The following GPX3 variants were observed in gnomAD, a reference collection of about 807,000 sequenced individuals.
GPX3 encodes GPx-3.
GPX3 carries 22 observed loss-of-function variants against 25.1 expected under a neutral mutation model. The ratio of observed to expected loss-of-function variants is 0.88; its 90% CI spans 0.63 to 1.25. The LOEUF (loss-of-function observed/expected upper bound fraction) is 1.25. Ranked by LOEUF, GPX3 falls within the 50% of genes most tolerant of loss-of-function variation. The pLI is 0.00. For missense variants in GPX3, 278 were observed against 286.6 expected (o/e 0.97, Z 0.22); for synonymous variants, 110 against 114.5 (o/e 0.96, Z 0.25).
At chr5:151,025,525 T>TG in intron 2 of GPX3, 32 bp downstream of exon 2, 1 of 1,552,478 alleles carries the variant, frequency 6.4e-7, no homozygotes, top group Non-Finnish European at 8.7e-7. Context: ...CTGCTTTATT[T>TG]GGGGCTGTAT....
Position 151,025,474 on chromosome 5 carries a change from C to A in GPX3, c.222C>A (p.Gly74=). 2 of 1,610,494 alleles carry A rather than the reference C, an allele frequency of 1.2e-6. No individual in the cohort carries two copies. The highest frequency in any genetic ancestry group is 1.1e-5 in the South Asian group (1 of 90,666). Residue 74 remains glycine, a synonymous_variant, in exon 2 of 5, where the codon GGC becomes GGA. Coordinates refer to ENST00000388825, the MANE Select transcript of GPX3 (RefSeq NM_002084.5). ...TTGTCAACGTGGCCAGCTACTGAGGCCTGACGGGCCAGTACATTGGTAAGA... is the reference window on the plus strand; with the variant it reads ...TTGTCAACGTGGCCAGCTACTGAGGACTGACGGGCCAGTACATTGGTAAGA... ...VLFVNVASYU[G]LTGQYIELNA...
chr5:151,020,957 C>T, intron 1 of GPX3: 1 of 628,452 alleles, frequency 1.6e-6, no homozygotes, highest in Non-Finnish European at 2.9e-6. Flanking sequence ...GAGCCGAGAC[C>T]TGGTGCTTCA....
chr5:151,022,485 G>C (rs1026372625), intron 1 of GPX3, among the ~76,000 whole-genome samples: 4 of 152,160 alleles, frequency 2.6e-5, no homozygotes, highest in Non-Finnish European at 5.9e-5. Context: ...CAAGTTCTTA[G>C]AGTTCAGATG....
chr5:151,025,491 T>C lies in GPX3; in HGVS notation c.239T>C (p.Ile80Thr), dbSNP rs368521899. Reference sequence around the variant, plus strand: ...TACTGAGGCCTGACGGGCCAGTACATTGGTAAGAGCCCACCCTTCCTCCCT... The same window carrying C: ...TACTGAGGCCTGACGGGCCAGTACACTGGTAAGAGCCCACCCTTCCTCCCT... ...ASYUGLTGQY[I>T]ELNALQEELA... Residue 80 changes from isoleucine to threonine, a missense_variant and splice_region_variant, in exon 2 of 5, where the codon ATT becomes ACT. By Grantham distance (89) the Ile-to-Thr change is moderately conservative. Coordinates refer to ENST00000388825, the MANE Select transcript of GPX3 (RefSeq NM_002084.5). 16 of 1,604,780 alleles carry C rather than the reference T, an allele frequency of 1.0e-5. No individual in the cohort carries two copies. In the African/African-American group the frequency reaches 1.2e-4, roughly 12 times the overall value.
At chr5:151,025,209 G>A in intron 1 of GPX3, 131 bp from the exon 2 acceptor site, 2 of 666,306 alleles carry the variant, frequency 3.0e-6, no homozygotes, top group South Asian at 2.4e-5. Context: ...GTCAGTGCTA[G>A]TCCAGTTCCA....
chr5:151,023,714 C>A (rs2113144263), intron 1 of GPX3, among the ~76,000 whole-genome samples: 1 of 152,232 alleles, frequency 6.6e-6, no homozygotes, highest in Middle Eastern at 3.4e-3. Flanking sequence ...AGTTTGTCTG[C>A]ATTTTAAGGC....
At chr5:151,027,806 G>C (rs990599374) in intron 4 of GPX3, 103 bp from the exon 5 acceptor site, 3 of 969,540 alleles carry the variant, frequency 3.1e-6, no homozygotes, top group Non-Finnish European at 5.0e-6. Context: ...CTCCCAAACT[G>C]GGGCTCTTTT....
intron 1 of GPX3, among the ~76,000 whole-genome samples, chr5:151,022,379 G>A (rs767947207): frequency 6.6e-6 from 1 of 152,194 alleles, no homozygotes; most frequent in Non-Finnish European, 1.5e-5. Flanking sequence ...GATGGGGATG[G>A]TCTAGAAAAG....
Position 151,028,063 on chromosome 5 carries a change from GCAA to G in GPX3, c.616_618del (p.Asn206del). ...CGCTGGCACCACCGGACCACGGTCA[GCAA>G]CGTCAAGATGGACATCCTGTCCTAC... On this transcript the variant is annotated inframe_deletion, in exon 5 of 5. Coordinates refer to ENST00000388825, the MANE Select transcript of GPX3 (RefSeq NM_002084.5). 6.2e-7 allele frequency: 1 copy of G among 1,612,738 alleles called. No individual in the cohort carries two copies. Among genetic ancestry groups the G allele is most frequent in the South Asian group, 1.1e-5 (1 of 90,854 alleles).
rs1295074461 is a variant in GPX3 at position 151,026,640 on chromosome 5, A to T, written c.242-260A>T. On this transcript the variant is annotated intron_variant, in intron 2 of 4. Coordinates refer to ENST00000388825, the MANE Select transcript of GPX3 (RefSeq NM_002084.5). ...CTGGCCCAGGTGGAGGGCCTTGGCAATGGGCAGGTGACTGACAGCTGACTT... is the reference window on the plus strand; with the variant it reads ...CTGGCCCAGGTGGAGGGCCTTGGCATTGGGCAGGTGACTGACAGCTGACTT... The T allele has an allele frequency of 1.0e-5, 4 of 383,530 alleles. No homozygotes were observed. The Admixed American group carries it at 1.3e-4, about 12-fold the overall frequency. The allele number at this position is 383,530 out of a possible 1,614,324, so 23.8% of individuals were successfully genotyped here. A position where few individuals can be genotyped will look rare whatever the true frequency, so the allele number is the denominator to read the frequency against.
Position 151,028,292 on chromosome 5 carries a change from G to C in GPX3, c.*162G>C, listed in dbSNP as rs1756592596. ...ATGCATACAGTTCTGTGTACTGCCA[G>C]GCATGTGGGTGTGGGTGCATGTGGG... On this transcript the variant is annotated 3_prime_UTR_variant, in exon 5 of 5. Coordinates refer to ENST00000388825, the MANE Select transcript of GPX3 (RefSeq NM_002084.5). 3.0e-6 allele frequency: 2 copies of C among 656,964 alleles called. No individual in the cohort carries two copies. Among genetic ancestry groups the C allele is most frequent in the Non-Finnish European group, 5.3e-6 (2 of 375,676 alleles). 40.7% of individuals were successfully genotyped at this position (656,964 alleles called of 1,614,324 possible).
Position 151,028,389 on chromosome 5 carries a change from ATG to A in GPX3, c.*263_*264del, listed in dbSNP as rs1287509119. The A allele has an allele frequency of 8.2e-6, 4 of 488,916 alleles. No homozygotes were observed. The East Asian group carries it at 1.5e-4, about 19-fold the overall frequency. The allele number at this position is 488,916 out of a possible 1,614,324, so 30.3% of individuals were successfully genotyped here. A position where few individuals can be genotyped will look rare whatever the true frequency, so the allele number is the denominator to read the frequency against. Reference sequence around the variant, plus strand: ...TGGGTGTACAGCCACGTGTCTACCTATGTGTCTTTCTGGGAATGTGTACCATC... The same window carrying A: ...TGGGTGTACAGCCACGTGTCTACCTATGTCTTTCTGGGAATGTGTACCATC... On this transcript the variant is annotated 3_prime_UTR_variant, in exon 5 of 5. Transcript: ENST00000388825.
In GPX3 at chr5:151,027,962, G is replaced by A; in HGVS notation, c.513G>A (p.Trp171Ter). The A allele has an allele frequency of 6.2e-7, 1 of 1,614,146 alleles. No individual in the cohort carries two copies. Among genetic ancestry groups the A allele is most frequent in the Non-Finnish European group, 8.5e-7 (1 of 1,180,024 alleles). The change falls in exon 5 of 5, where the codon TGG (tryptophan) becomes TGA (stop). Residue 171 changes from tryptophan (W) to a stop codon, truncating the protein, a stop_gained. Transcript: ENST00000388825. LOFTEE classifies it high-confidence loss of function. Reference protein sequence around the residue: ...ELLGTSDRLFWEPMKVHDIRW... With the variant: ...ELLGTSDRLF ...TGGGTACATCTGACCGCCTCTTCTG[G>A]GAACCCATGAAGGTTCACGACATCC...
chr5:151,023,450 A>G (rs8177427), intron 1 of GPX3, among the ~76,000 whole-genome samples: 117,961 of 152,124 alleles, frequency 0.78, 46,605 homozygotes, highest in East Asian at 0.97. Flanking sequence ...TCAGGGCCAC[A>G]CAGCCAGCAA....
chr5:151,026,014 C>A (rs1025772555), intron 2 of GPX3, among the ~76,000 whole-genome samples: 2 of 129,736 alleles, frequency 1.5e-5, no homozygotes, highest in African/African-American at 5.8e-5. Flanking sequence ...CCCCTCTTCT[C>A]AATCTACACA....
At chr5:151,027,623 G>A in intron 4 of GPX3, 92 bp downstream of exon 4, 4 of 818,258 alleles carry the variant, frequency 4.9e-6, no homozygotes, top group Non-Finnish European at 8.1e-6. Context: ...CCCTGCTCCT[G>A]GGCTCTTGGG....
chr5:151,026,701 A>G (rs1420281800), intron 2 of GPX3, 199 bp from the exon 3 acceptor site: 6 of 498,612 alleles, frequency 1.2e-5, no homozygotes, highest in African/African-American at 3.9e-5. Context: ...CAAACCTCCA[A>G]TCCATCCAGA....
intron 1 of GPX3, chr5:151,020,994 G>A (rs1354727128): frequency 1.9e-6 from 1 of 523,940 alleles, no homozygotes; most frequent in South Asian, 2.2e-5. Flanking sequence ...AAGGGAGGAA[G>A]GTCTCTCTCC....
chr5:151,028,826 A>C lies in GPX3; in HGVS notation c.*696A>C, dbSNP rs916143228. 2 of 152,116 alleles carry C rather than the reference A, an allele frequency of 1.3e-5. No homozygotes were observed. Among genetic ancestry groups the C allele is most frequent in the African/African-American group, 4.9e-5 (2 of 41,084 alleles). 9.4% of individuals were successfully genotyped at this position (152,116 alleles called of 1,614,324 possible). A position where few individuals can be genotyped will look rare whatever the true frequency, so the allele number is the denominator to read the frequency against. On this transcript the variant is annotated 3_prime_UTR_variant, in exon 5 of 5. Transcript: ENST00000388825. ...AGGGGCCCAAAGCCCTTGTGGGCGG[A>C]CCTCCCCTGAGCCTGTCTGAGGGGC...
Sources: allele counts gnomAD v4.1 joint callset (sites outside exome capture counted in the v4.1 genomes callset), GRCh38; gene constraint gnomAD v4.1.1; transcripts MANE v1.5; gene names NCBI Gene and HGNC (gene_info 2026-07-23, HGNC 2026-07-21).